Variants in KCNMA1 observed in about 807,000 individuals in gnomAD.
KCNMA1 encodes Calcium-activated potassium channel subunit alpha-1.
Under a neutral mutation model 140.0 loss-of-function variants are expected in KCNMA1, and 29 were observed. The observed-to-expected ratio is 0.21, with a 90% CI of 0.15 to 0.28. The LOEUF is 0.28. Among genes scored for constraint, KCNMA1 ranks in the 10% least tolerant of loss-of-function variants. KCNMA1 has a pLI of 1.00. For synonymous variants in KCNMA1, 612 were observed against 611.9 expected (o/e 1.00, Z 0.00); for missense variants, 880 against 1,602.2 (o/e 0.55, Z 7.70).
In KCNMA1 at chr10:76,891,577, C is replaced by T; in HGVS notation, c.3290G>A (p.Arg1097His). The T allele has an allele frequency of 6.2e-7, 1 of 1,613,890 alleles. No individual in the cohort carries two copies. The highest frequency in any genetic ancestry group is 8.5e-7 in the Non-Finnish European group (1 of 1,180,024). ...STPQTLANRD[R>H]CRVAQLALLD... ...CAGAGCTAACTGGGCCACGCGGCAG[C>T]GGTCCCTATTGGCCAGTGTCTGCGG... Residue 1097 changes from arginine to histidine, a missense_variant, in exon 26 of 28, where the codon CGC becomes CAC. Arg to His is a conservative substitution (Grantham distance 29, BLOSUM62 0). This residue lies in a region of KCNMA1 where 31 missense variants were observed against 38.8 expected (regional missense o/e 0.80). Coordinates refer to ENST00000286628, the MANE Select transcript of KCNMA1 (RefSeq NM_001161352.2).
intron 22 of KCNMA1, among the ~76,000 whole-genome samples, chr10:76,946,342 G>A (rs1244714606): frequency 6.6e-6 from 1 of 152,148 alleles, no homozygotes; most frequent in East Asian, 1.9e-4. Context: ...CCTGTGTGGT[G>A]ACCTGAGTTA....
chr10:77,347,883 T>C lies in KCNMA1; in HGVS notation c.540+55979A>G, dbSNP rs190817819. Among the ~76,000 whole-genome samples the C allele has an allele frequency of 3.9e-5, 6 of 152,338 alleles. No homozygotes were observed. The East Asian group carries it at 1.2e-3, about 29-fold the overall frequency. ...AAACCTTAATTAAAGCACTTAATCC[T>C]CAATGCAACCCTGTGAAGTAGATGC... On this transcript the variant is annotated intron_variant, in intron 2 of 27. Transcript: ENST00000286628.
rs1185740351 is a variant in KCNMA1 at position 77,568,628 on chromosome 10, A to G, written c.378+68637T>C. On this transcript the variant is annotated intron_variant, in intron 1 of 27. Coordinates refer to ENST00000286628, the MANE Select transcript of KCNMA1 (RefSeq NM_001161352.2). ...CTATGACAAACCCACAGCCAATATC[A>G]TACTGAATGGGCAAAAACTGGAAGC... Among the ~76,000 whole-genome samples, 76 of 150,496 alleles carry G rather than the reference A, an allele frequency of 5.0e-4. No homozygotes were observed. The South Asian group carries it at 8.6e-3, about 17-fold the overall frequency.
At chr10:77,187,440 A>G (rs2098879910) in intron 3 of KCNMA1, among the ~76,000 whole-genome samples, 1 of 152,236 alleles carries the variant, frequency 6.6e-6, no homozygotes, top group Non-Finnish European at 1.5e-5. Context: ...GGTTTACAGG[A>G]AACCATGTTG....
chr10:77,085,242 T>A (rs1487231332), intron 11 of KCNMA1, among the ~76,000 whole-genome samples: 2 of 152,220 alleles, frequency 1.3e-5, no homozygotes, highest in African/African-American at 4.8e-5. Context: ...CTAAATCAGA[T>A]AACATCACCA....
At chr10:76,954,076 G>A (rs755790942) in intron 20 of KCNMA1, 152 bp from the exon 21 acceptor site, 11 of 921,750 alleles carry the variant, frequency 1.2e-5, no homozygotes, top group African/African-American at 1.6e-5. Context: ...TCCATCCTTT[G>A]AGAGACAACT....
At position 77,165,741 on chromosome 10, in the gene KCNMA1, T is replaced by G. The variant is rs567476953; in HGVS notation, c.808+17680A>C. 1.2e-3 allele frequency among the ~76,000 whole-genome samples: 189 copies of G among 152,358 alleles called. 2 individuals are homozygous for G. The highest frequency in any genetic ancestry group is 5.1e-4 in the Non-Finnish European group (35 of 68,034). On this transcript the variant is annotated intron_variant, in intron 5 of 27. Transcript: ENST00000286628. ...CTTTTCAAACTCTTAGCTATTCACT[T>G]GACATTTGTCTTCTTCAGTCTTCAC...
intron 1 of KCNMA1, among the ~76,000 whole-genome samples, chr10:77,452,870 T>C (rs1376845194): frequency 2.6e-5 from 4 of 152,186 alleles, no homozygotes; most frequent in East Asian, 1.9e-4. Flanking sequence ...GGATCCTCCC[T>C]AATCAAGATG....
intron 1 of KCNMA1, among the ~76,000 whole-genome samples, chr10:77,419,183 A>G (rs1357806370): frequency 1.3e-4 from 20 of 152,060 alleles, no homozygotes. Context: ...ATGAGGGGAG[A>G]GTTCCTTTTA....
At chr10:77,019,668 T>C (rs543754653) in intron 16 of KCNMA1, 1 of 153,240 alleles carries the variant, frequency 6.5e-6, no homozygotes, top group South Asian at 2.1e-4. Context: ...ATTGATTCCA[T>C]GTACAGCCTT....
At chr10:77,432,995 A>G (rs2097183829) in intron 1 of KCNMA1, among the ~76,000 whole-genome samples, 1 of 152,118 alleles carries the variant, frequency 6.6e-6, no homozygotes, top group African/African-American at 2.4e-5. Flanking sequence ...AAGATCACGG[A>G]TATCTGTTCA....
At chr10:77,172,507 G>A (rs945093269) in intron 5 of KCNMA1, among the ~76,000 whole-genome samples, 45 of 152,042 alleles carry the variant, frequency 3.0e-4, no homozygotes, top group Admixed American at 2.6e-3. Context: ...CTATAGCAGC[G>A]ACCGGAACAG....
chr10:77,506,822 AAAGAGAGAGAGAGAGAGAGT>A (rs2046275951), intron 1 of KCNMA1, among the ~76,000 whole-genome samples: 1 of 116,018 alleles, frequency 8.6e-6, no homozygotes, highest in Non-Finnish European at 1.7e-5. Context: ...AGAGAGAGAG[AAAGAGAGAGAGAGAGAGAGT>A]GTGTGTGTGT....
chr10:77,000,289 A>G (rs971543685), intron 19 of KCNMA1, among the ~76,000 whole-genome samples: 5 of 152,236 alleles, frequency 3.3e-5, no homozygotes, highest in Non-Finnish European at 7.3e-5. Flanking sequence ...ACATGAAAAC[A>G]AAGTTATAGT....
chr10:77,246,346 A>G (rs1431909927), intron 3 of KCNMA1, among the ~76,000 whole-genome samples: 29 of 152,196 alleles, frequency 1.9e-4, no homozygotes, highest in Admixed American at 1.8e-3. Flanking sequence ...GGGGAATTCA[A>G]TGAGGTTGCA....
chr10:76,969,960 G>T lies in KCNMA1; in HGVS notation c.2360+14C>A. ...CTAAGAGGGAAACCGTGGGCAACCAGCCCCTCTCCTTACCTCATCAGCTTA... is the reference window on the plus strand; with the variant it reads ...CTAAGAGGGAAACCGTGGGCAACCATCCCCTCTCCTTACCTCATCAGCTTA... On this transcript the variant is annotated intron_variant, in intron 20 of 27. Transcript: ENST00000286628. 6.2e-7 allele frequency: 1 copy of T among 1,600,470 alleles called. No individual in the cohort carries two copies. The highest frequency in any genetic ancestry group is 8.6e-7 in the Non-Finnish European group (1 of 1,167,678).
At chr10:77,260,146 G>A (rs967185582) in intron 2 of KCNMA1, among the ~76,000 whole-genome samples, 9 of 152,280 alleles carry the variant, frequency 5.9e-5, no homozygotes, top group Non-Finnish European at 8.8e-5. Flanking sequence ...GAAGAGCACC[G>A]CGGTGGTAGA....
chr10:77,538,095 TCA>T, intron 1 of KCNMA1, among the ~76,000 whole-genome samples: 1 of 150,984 alleles, frequency 6.6e-6, no homozygotes. Flanking sequence ...ACTCTCACAT[TCA>T]CATACTCTAC....
chr10:77,221,100 G>C (rs1253380080), intron 3 of KCNMA1, among the ~76,000 whole-genome samples: 1 of 152,108 alleles, frequency 6.6e-6, no homozygotes, highest in East Asian at 1.9e-4. Context: ...AAGTCCGTAG[G>C]GTCTTAACAA....
Sources: allele counts gnomAD v4.1 joint callset (sites outside exome capture counted in the v4.1 genomes callset), GRCh38; gene constraint gnomAD v4.1.1; regional missense constraint gnomAD v4.1.1; transcripts MANE v1.5; gene names NCBI Gene and HGNC (gene_info 2026-07-23, HGNC 2026-07-21).